The following ABCC9 variants were observed in gnomAD, a reference collection of about 807,000 sequenced individuals.
ABCC9 encodes ATP-binding cassette sub-family C member 9.
Under a neutral mutation model 188.3 loss-of-function variants are expected in ABCC9, and 95 were observed. The observed-to-expected ratio is 0.50, with a 90% CI of 0.43 to 0.60. ABCC9 has a LOEUF of 0.60. Among genes scored for constraint, ABCC9 ranks in the 20% least tolerant of loss-of-function variants. ABCC9 has a pLI of 0.00. For missense variants in ABCC9, 1,102 were observed against 1,876.3 expected, an observed-to-expected ratio of 0.59 and a Z score of 7.62; for synonymous variants, 659 against 652.7, an observed-to-expected ratio of 1.01 and a Z score of -0.15.
rs772727573 is a variant in ABCC9 at position 21,860,986 on chromosome 12, A to G, written c.2409T>C (p.Thr803=). 1.9e-5 allele frequency: 30 copies of G among 1,612,904 alleles called. No homozygotes were observed. Among genetic ancestry groups the G allele is most frequent in the Non-Finnish European group, 2.5e-5 (29 of 1,179,290 alleles). Reference sequence around the variant, plus strand: ...TATAGCTCACCCTCTCTCCAATTTCAGTTTGATCTCCAAATGGTAATAAGT... The same window carrying G: ...TATAGCTCACCCTCTCTCCAATTTCGGTTTGATCTCCAAATGGTAATAAGT... ...DIDLLPFGDQ[T]EIGERGINLS... is the part of the protein sequence containing the mutation. Residue 803 remains threonine, a synonymous_variant, in exon 21 of 40, where the codon ACT becomes ACC. Coordinates refer to ENST00000261200, the MANE Select transcript of ABCC9 (RefSeq NM_020297.4).
rs1356003940 is a variant in ABCC9, at chr12:21,805,216, G to A, written c.4512+782C>T. 6.2e-7 allele frequency: 1 copy of A among 1,614,002 alleles called. No homozygotes were observed. Among genetic ancestry groups the A allele is most frequent in the East Asian group, 2.2e-5 (1 of 44,864 alleles). ...CCAAAGTGGAAAAGAGGCCATTCTT[G>A]TGGGCGAGCAAATTTGGGACAGTAT... On this transcript the variant is annotated intron_variant, in intron 39 of 39. Transcript: ENST00000261200.
intron 39 of ABCC9, 40 bp from the exon 40 acceptor site, chr12:21,801,221 A>G: frequency 1.2e-6 from 2 of 1,612,316 alleles, no homozygotes; most frequent in Non-Finnish European, 1.7e-6. Flanking sequence ...TACACATTTC[A>G]GGGCACACGC....
At chr12:21,893,777 C>T (rs554660388) in intron 14 of ABCC9, among the ~76,000 whole-genome samples, 5 of 151,562 alleles carry the variant, frequency 3.3e-5, no homozygotes, top group Non-Finnish European at 5.9e-5. Flanking sequence ...TATTATAAAA[C>T]TTAAATGAAG....
chr12:21,923,084 A>G (rs1282697136), intron 5 of ABCC9: 1 of 19,438 alleles, frequency 5.1e-5, no homozygotes, highest in African/African-American at 2.7e-4. Flanking sequence ...ATCCACTTGG[A>G]AAAAAAAAAA....
chr12:21,849,262 G>T lies in ABCC9; in HGVS notation c.2770-1016C>A, dbSNP rs1232901493. 3.3e-5 allele frequency among the ~76,000 whole-genome samples: 5 copies of T among 152,014 alleles called. No individual in the cohort carries two copies. The South Asian group carries it at 1.0e-3, about 32-fold the overall frequency. On this transcript the variant is annotated intron_variant, in intron 24 of 39. Coordinates refer to ENST00000261200, the MANE Select transcript of ABCC9 (RefSeq NM_020297.4). ...TGATTAGTCGCTAGGTAGTGACCTTGGTTGATTTTTTTTGGCCTCATACAA... is the reference window on the plus strand; with the variant it reads ...TGATTAGTCGCTAGGTAGTGACCTTTGTTGATTTTTTTTGGCCTCATACAA...
In ABCC9 at chr12:21,915,835, G is replaced by A; in HGVS notation, c.649C>T (p.Gln217Ter). The A allele has an allele frequency of 6.2e-7, 1 of 1,613,448 alleles. No individual in the cohort carries two copies. The highest frequency in any genetic ancestry group is 8.5e-7 in the Non-Finnish European group (1 of 1,179,780). The change falls in exon 7 of 40, where the codon CAA (glutamine) becomes TAA (stop). Residue 217 changes from glutamine to a stop codon, truncating the protein, a stop_gained. Coordinates refer to ENST00000261200, the MANE Select transcript of ABCC9 (RefSeq NM_020297.4). LOFTEE classifies it high-confidence loss of function. Reference sequence around the variant, plus strand: ...TTTGACAGCAAATTCACAAATGGTTGAAGAAATCTCACTCCCAGATCCTGG... The same window carrying A: ...TTTGACAGCAAATTCACAAATGGTTAAAGAAATCTCACTCCCAGATCCTGG... ...DLQDLGVRFL[Q>*]PFVNLLSKAT...
At chr12:21,820,440 G>A (rs1442654689) in intron 31 of ABCC9, among the ~76,000 whole-genome samples, 1 of 151,958 alleles carries the variant, frequency 6.6e-6, no homozygotes, top group Non-Finnish European at 1.5e-5. Flanking sequence ...AATTAACAGT[G>A]CCTTCCTATT....
At chr12:21,810,513 C>T (rs754337425) in intron 36 of ABCC9, among the ~76,000 whole-genome samples, 9 of 152,116 alleles carry the variant, frequency 5.9e-5, no homozygotes, top group Non-Finnish European at 7.4e-5. Context: ...GGGAAGCAAA[C>T]ATGTCCTTCT....
At chr12:21,833,104 G>A (rs1339405136) in intron 30 of ABCC9, among the ~76,000 whole-genome samples, 1 of 152,124 alleles carries the variant, frequency 6.6e-6, no homozygotes, top group African/African-American at 2.4e-5. Context: ...TGATATGATA[G>A]ACTCTGGGGA....
intron 31 of ABCC9, among the ~76,000 whole-genome samples, chr12:21,820,162 T>C (rs1942951954): frequency 6.6e-6 from 1 of 152,162 alleles, no homozygotes; most frequent in Non-Finnish European, 1.5e-5. Context: ...TTATTTTTTC[T>C]AAAAGTCTCA....
chr12:21,879,092 G>A lies in ABCC9; in HGVS notation c.2020-3366C>T, dbSNP rs923701505. On this transcript the variant is annotated intron_variant, in intron 16 of 39. Transcript: ENST00000261200. ...CACTAGGGGATAAGTAAAATGCAGC[G>A]ACACATTCTACAAGATACAATGGTG... 3.5e-4 allele frequency among the ~76,000 whole-genome samples: 54 copies of A among 152,120 alleles called. 1 individual carries two copies. Among genetic ancestry groups the A allele is most frequent in the Admixed American group, 3.9e-4 (6 of 15,250 alleles).
chr12:21,815,551 A>G (rs1469088796), intron 34 of ABCC9, among the ~76,000 whole-genome samples: 6 of 152,326 alleles, frequency 3.9e-5, no homozygotes, highest in East Asian at 1.9e-4. Context: ...TCTGATCTCC[A>G]TGGGAGACTA....
In ABCC9 at chr12:21,856,725, TAGAA is replaced by T. The variant is rs527582048; in HGVS notation, c.2505+2857_2505+2860del. 9.2e-5 allele frequency among the ~76,000 whole-genome samples: 14 copies of T among 151,392 alleles called. No individual in the cohort carries two copies. In the South Asian group the frequency reaches 2.1e-3, roughly 23 times the overall value. ...GGGATGTTCACTGAATTTTAGTAGATAGAAAGGAGGAAAGAAGAAAGGGAGGGAG... is the reference window on the plus strand; with the variant it reads ...GGGATGTTCACTGAATTTTAGTAGATAGGAGGAAAGAAGAAAGGGAGGGAG... On this transcript the variant is annotated intron_variant, in intron 22 of 39. Transcript: ENST00000261200.
At chr12:21,858,868 G>A (rs1945360766) in intron 22 of ABCC9, among the ~76,000 whole-genome samples, 1 of 152,074 alleles carries the variant, frequency 6.6e-6, no homozygotes, top group Non-Finnish European at 1.5e-5. Flanking sequence ...AGAAGGAGAA[G>A]GCAGGGATGC....
chr12:21,848,358 T>G, intron 24 of ABCC9, 112 bp from the exon 25 acceptor site: 2 of 907,742 alleles, frequency 2.2e-6, no homozygotes, highest in Non-Finnish European at 3.5e-6. Context: ...TCTCAAGCGC[T>G]CTGTGCTCAC....
In ABCC9 at chr12:21,809,846, A is replaced by G. The variant is rs748933418; in HGVS notation, c.4315+6T>C. On this transcript the variant is annotated splice_donor_region_variant and intron_variant, in intron 37 of 39. Coordinates refer to ENST00000261200, the MANE Select transcript of ABCC9 (RefSeq NM_020297.4). The stretch of plus-strand genomic sequence containing the variant: ...AAAAAATAAATATGCTATTTAGGAA[A>G]TATACCTAGACCTCCAGGTAGAGAT... 1.3e-6 allele frequency: 2 copies of G among 1,543,548 alleles called. No homozygotes were observed. Among genetic ancestry groups the G allele is most frequent in the East Asian group, 2.2e-5 (1 of 44,500 alleles).
rs112311983 is a variant in ABCC9, at chr12:21,818,458, A to ATATATC, written c.3670-213_3670-208dup. ...GAGAGTGAGTCCATGCTCTCACTAT[A>ATATATC]TATATCTATATCTATATCTATATCT... is the stretch of plus-strand genomic sequence containing the variant. On this transcript the variant is annotated intron_variant, in intron 31 of 39. Transcript: ENST00000261200. Among the ~76,000 whole-genome samples the ATATATC allele has an allele frequency of 6.4e-3, 937 of 147,236 alleles. 9 individuals are homozygous for ATATATC. The highest frequency in any genetic ancestry group is 0.015 in the African/African-American group (618 of 40,140).
chr12:21,907,996 G>T (rs1252824998), intron 11 of ABCC9, 81 bp downstream of exon 11: 1 of 1,391,296 alleles, frequency 7.2e-7, no homozygotes, highest in Non-Finnish European at 1.0e-6. Flanking sequence ...ATCTTTAGTG[G>T]TATGTATTAA....
chr12:21,932,061 C>G (rs992458929), intron 4 of ABCC9, among the ~76,000 whole-genome samples: 6 of 152,052 alleles, frequency 3.9e-5, no homozygotes, highest in African/African-American at 1.4e-4. Context: ...AAATTTTAGA[C>G]TTTCCTATCA....
Sources: allele counts gnomAD v4.1 joint callset (sites outside exome capture counted in the v4.1 genomes callset), GRCh38; gene constraint gnomAD v4.1.1; transcripts MANE v1.5; gene names NCBI Gene and HGNC (gene_info 2026-07-23, HGNC 2026-07-21).